Variants in ZSCAN25 observed in about 807,000 individuals in gnomAD.
ZSCAN25 encodes zinc finger and SCAN domain-containing protein 25.
Under a neutral mutation model 38.7 loss-of-function variants are expected in ZSCAN25, and 27 were observed. The observed-to-expected ratio is 0.70, with a 90% CI of 0.51 to 0.96. The LOEUF is 0.96. Ranked by LOEUF, ZSCAN25 falls within the 40% of genes least tolerant of loss-of-function variation. The pLI, the probability that ZSCAN25 is intolerant of heterozygous loss-of-function variation, is 0.00. For synonymous variants in ZSCAN25, 273 were observed against 277.7 expected, an observed-to-expected ratio of 0.98 and a Z score of 0.17; for missense variants, 637 against 705.9, an observed-to-expected ratio of 0.90 and a Z score of 1.11.
At chr7:99,712,738 TAGAACCAATGATTAAATATTC>T in the ZSCAN25 span, among the ~76,000 whole-genome samples, 10 of 152,210 alleles carry the variant, frequency 6.6e-5, no homozygotes, top group Non-Finnish European at 4.4e-5. Context: ...TCCTGCTCTC[TAGAACCAATGATTAAATATTC>T]AGGAATTTTG....
At chr7:99,663,857 A>G in the ZSCAN25 span, 3 of 1,434,524 alleles carry the variant, frequency 2.1e-6, no homozygotes, top group Non-Finnish European at 1.8e-6. Flanking sequence ...TGTTCTAAAC[A>G]TAAGTTCTCT....
the ZSCAN25 span, among the ~76,000 whole-genome samples, chr7:99,727,120 T>C: frequency 0.76 from 115,894 of 152,118 alleles, 47,122 homozygotes; most frequent in Non-Finnish European, 0.91. Flanking sequence ...CTAGAGGCTG[T>C]TCCCATACTA....
At chr7:99,685,056 G>A in the ZSCAN25 span, 1 of 1,004,034 alleles carries the variant, frequency 1.0e-6, no homozygotes, top group Non-Finnish European at 1.5e-6. Context: ...TCATTTCAGG[G>A]TACTATTCAC....
chr7:99,707,881 G>A, the ZSCAN25 span: 32 of 1,613,914 alleles, frequency 2.0e-5, no homozygotes, highest in East Asian at 2.5e-4. Context: ...TCATGTTCAC[G>A]AGAGCAAACC....
chr7:99,680,378 A>C, the ZSCAN25 span, among the ~76,000 whole-genome samples: 1 of 152,144 alleles, frequency 6.6e-6, no homozygotes, highest in African/African-American at 2.4e-5. Context: ...GCCCAGCCAG[A>C]CAGACCCCTT....
the ZSCAN25 span, chr7:99,717,738 T>C: frequency 4.2e-6 from 6 of 1,423,706 alleles, no homozygotes; most frequent in Non-Finnish European, 3.9e-6. Flanking sequence ...TTAACAAATA[T>C]TTAGTGACTG....
At chr7:99,665,883 CAG>C in the ZSCAN25 span, among the ~76,000 whole-genome samples, 1 of 152,158 alleles carries the variant, frequency 6.6e-6, no homozygotes, top group African/African-American at 2.4e-5. Context: ...GCGCTGAGAG[CAG>C]AGTCATTTTT....
the ZSCAN25 span, among the ~76,000 whole-genome samples, chr7:99,688,666 G>T: frequency 1.3e-5 from 2 of 152,138 alleles, no homozygotes; most frequent in Admixed American, 1.3e-4. Flanking sequence ...TCTGCACCAA[G>T]CAGACCTAAT....
chr7:99,617,305 A>G (rs964520943), intron 1 of ZSCAN25, among the ~76,000 whole-genome samples: 1 of 152,228 alleles, frequency 6.6e-6, no homozygotes, highest in Non-Finnish European at 1.5e-5. Context: ...CACGAACCCG[A>G]AGAGATCTTG....
chr7:99,725,751 C>A, the ZSCAN25 span, among the ~76,000 whole-genome samples: 5 of 152,166 alleles, frequency 3.3e-5, no homozygotes, highest in Admixed American at 3.3e-4. Flanking sequence ...TGATGCTACC[C>A]GATCACCTCG....
the ZSCAN25 span, chr7:99,671,941 G>A: frequency 1.5e-6 from 1 of 682,634 alleles, no homozygotes; most frequent in Admixed American, 2.1e-5. Flanking sequence ...ACAAGGGCAT[G>A]TAAAACTGGT....
At position 99,619,606 on chromosome 7, in the gene ZSCAN25, G is replaced by A; in HGVS notation, c.-1G>A. 8.7e-6 allele frequency: 14 copies of A among 1,609,724 alleles called. No individual in the cohort carries two copies. Among genetic ancestry groups the A allele is most frequent in the Non-Finnish European group, 1.2e-5 (14 of 1,177,084 alleles). ...TCAGTCTCCTCGGAGGGAGTCTGAA[G>A]ATGCTTAAAGAGCATCCAGAGATGG... is the stretch of plus-strand genomic sequence containing the variant. On this transcript the variant is annotated 5_prime_UTR_variant, in exon 4 of 8. Coordinates refer to ENST00000394152, the MANE Select transcript of ZSCAN25 (RefSeq NM_145115.3).
At chr7:99,665,621 G>T in the ZSCAN25 span, among the ~76,000 whole-genome samples, 1 of 152,216 alleles carries the variant, frequency 6.6e-6, no homozygotes, top group Non-Finnish European at 1.5e-5. Flanking sequence ...TGTGTTGAGT[G>T]TGGATGATAT....
At chr7:99,650,064 T>C in the ZSCAN25 span, 2 of 1,613,920 alleles carry the variant, frequency 1.2e-6, no homozygotes, top group East Asian at 4.5e-5. Flanking sequence ...ATACAGAAAG[T>C]GTACTGACCT....
the ZSCAN25 span, chr7:99,652,890 T>C: frequency 1.3e-6 from 1 of 756,242 alleles, no homozygotes; most frequent in Admixed American, 2.7e-5. Flanking sequence ...CTCATACTGG[T>C]AAATGATCAT....
At chr7:99,737,641 G>A in the ZSCAN25 span, among the ~76,000 whole-genome samples, 7 of 152,110 alleles carry the variant, frequency 4.6e-5, no homozygotes, top group African/African-American at 9.7e-5. Flanking sequence ...TTATGGAAAC[G>A]ATTATGTTTT....
chr7:99,667,538 T>A, the ZSCAN25 span, among the ~76,000 whole-genome samples: 2 of 152,154 alleles, frequency 1.3e-5, no homozygotes, highest in Non-Finnish European at 2.9e-5. Context: ...GAAAAGTAGG[T>A]AATACTTAAA....
At chr7:99,664,237 C>T in the ZSCAN25 span, 1 of 791,660 alleles carries the variant, frequency 1.3e-6, no homozygotes, top group East Asian at 2.8e-5. Context: ...CATGTTTGCC[C>T]TTCTTTCAGG....
chr7:99,633,988 C>T (rs1181680494), downstream of ZSCAN25, among the ~76,000 whole-genome samples: 1 of 152,142 alleles, frequency 6.6e-6, no homozygotes, highest in African/African-American at 2.4e-5. Context: ...TGGTGTAAAC[C>T]GGGACTCTCC....
Sources: allele counts gnomAD v4.1 joint callset (sites outside exome capture counted in the v4.1 genomes callset), GRCh38; gene constraint gnomAD v4.1.1; transcripts MANE v1.5; gene names NCBI Gene and HGNC (gene_info 2026-07-23, HGNC 2026-07-21).